MFSD1: variants seen among roughly 807,000 people sequenced by gnomAD.
MFSD1 encodes major facilitator superfamily domain containing 1, also known as lysosomal dipeptide transporter MFSD1.
MFSD1 carries 59 observed loss-of-function variants against 67.1 expected under a neutral mutation model. The observed-to-expected ratio is 0.88, with a 90% CI of 0.71 to 1.09. MFSD1 has a LOEUF of 1.09. Among genes scored for constraint, MFSD1 ranks in the 50% least tolerant of loss-of-function variants. MFSD1 has a pLI of 0.00. For synonymous variants in MFSD1, 213 were observed against 200.3 expected (o/e 1.06, Z -0.54); for missense variants, 552 against 566.1 (o/e 0.97, Z 0.25).
chr3:158,826,157 A>C, intron 14 of MFSD1, 95 bp downstream of exon 14: 1 of 878,606 alleles, frequency 1.1e-6, no homozygotes. Flanking sequence ...GCTTTATTCC[A>C]TGCAGTAATG....
rs748720741 is a variant in MFSD1, at chr3:158,821,631, C to T, written c.898C>T (p.Gln300Ter). The T allele has an allele frequency of 6.2e-7, 1 of 1,610,184 alleles. No individual in the cohort carries two copies. Among genetic ancestry groups the T allele is most frequent in the Admixed American group, 1.7e-5 (1 of 59,850 alleles). The part of the protein sequence containing the change: ...FFTEKFGFSS[Q>*]AASAINSVVY... The stretch of plus-strand genomic sequence containing the variant: ...TACAGAGAAATTTGGATTTTCTTCC[C>T]AGGCAGCAAGTGCAATTAACAGGTA... The change falls in exon 10 of 16, where the codon CAG becomes TAG. Residue 300 changes from glutamine to a stop codon, truncating the protein, a stop_gained. Coordinates refer to ENST00000415822, the MANE Select transcript of MFSD1 (RefSeq NM_022736.4). LOFTEE classifies it high-confidence loss of function.
intron 7 of MFSD1, among the ~76,000 whole-genome samples, chr3:158,815,285 C>G (rs1730265990): frequency 6.6e-6 from 1 of 151,458 alleles, no homozygotes; most frequent in Admixed American, 6.6e-5. Flanking sequence ...CTAATGCTAG[C>G]TCTAACTAGT....
At chr3:158,821,839 A>G in intron 10 of MFSD1, 145 bp from the exon 11 acceptor site, 2 of 1,037,296 alleles carry the variant, frequency 1.9e-6, no homozygotes, top group East Asian at 5.1e-5. Context: ...GAAGTCTTGA[A>G]CTGCTTTTTA....
At chr3:158,824,458 TAC>T (rs922045967) in intron 13 of MFSD1, 1 of 482,546 alleles carries the variant, frequency 2.1e-6, no homozygotes, top group African/African-American at 2.0e-5. Context: ...TTTAACTATT[TAC>T]AGTTTAAAAA....
intron 14 of MFSD1, among the ~76,000 whole-genome samples, chr3:158,826,964 T>G (rs1414572653): frequency 2.6e-5 from 4 of 152,146 alleles, no homozygotes; most frequent in Admixed American, 1.3e-4. Flanking sequence ...GTTCATTTCC[T>G]TTAATTTCTC....
At chr3:158,827,058 T>G (rs1318328302) in intron 14 of MFSD1, among the ~76,000 whole-genome samples, 3 of 152,206 alleles carry the variant, frequency 2.0e-5, no homozygotes. Flanking sequence ...CTTAAAAAAA[T>G]GCTTAAATTA....
chr3:158,820,420 C>T, intron 9 of MFSD1, 94 bp downstream of exon 9: 1 of 811,684 alleles, frequency 1.2e-6, no homozygotes. Flanking sequence ...AATCTTGCTT[C>T]TCTGGTTATA....
At chr3:158,804,689 A>G (rs1729634474) in intron 2 of MFSD1, among the ~76,000 whole-genome samples, 1 of 152,234 alleles carries the variant, frequency 6.6e-6, no homozygotes, top group African/African-American at 2.4e-5. Flanking sequence ...AGTCACCCGA[A>G]TGACAAATGA....
intron 1 of MFSD1, among the ~76,000 whole-genome samples, chr3:158,802,919 TAAA>T (rs1729532571): frequency 6.6e-6 from 1 of 152,198 alleles, no homozygotes; most frequent in Non-Finnish European, 1.5e-5. Context: ...GTCCAGCTTT[TAAA>T]AAACGTGAAT....
At position 158,814,011 on chromosome 3, in the gene MFSD1, T is replaced by C. The variant is rs761024231; in HGVS notation, c.596T>C (p.Ile199Thr). Residue 199 changes from isoleucine (I) to threonine (T), a missense_variant, in exon 7 of 16, where the codon ATT becomes ACT. Ile to Thr is a moderately conservative substitution (Grantham distance 89, BLOSUM62 -1). Transcript: ENST00000415822. ...CTCATGGGATGGCTGTATTCTAAGA[T>C]TGAAGCTTTGTTAGGTTCTGCTGGT... ...MNLMGWLYSK[I>T]EALLGSAGHT... The C allele has an allele frequency of 5.0e-6, 8 of 1,613,966 alleles. No individual in the cohort carries two copies. Among genetic ancestry groups the C allele is most frequent in the Non-Finnish European group, 6.8e-6 (8 of 1,179,910 alleles).
In MFSD1 at chr3:158,829,194, G is replaced by A. The variant is rs2108243349; in HGVS notation, c.*212G>A. The A allele has an allele frequency of 2.6e-6, 1 of 391,926 alleles. No individual in the cohort carries two copies. Among genetic ancestry groups the A allele is most frequent in the South Asian group, 7.7e-5 (1 of 13,018 alleles). 24.3% of individuals were successfully genotyped at this position (391,926 alleles called of 1,614,324 possible). ...GTGTTGCTAAAGAATTCTACTTTTA[G>A]TAGGCTAATCAACAATGAAAGGGTT... is the stretch of plus-strand genomic sequence containing the variant. On this transcript the variant is annotated 3_prime_UTR_variant, in exon 16 of 16. Transcript: ENST00000415822.
At chr3:158,819,586 A>G (rs1156493475) in intron 7 of MFSD1, 63 bp from the exon 8 acceptor site, 2 of 931,178 alleles carry the variant, frequency 2.1e-6, no homozygotes, top group Non-Finnish European at 3.2e-6. Flanking sequence ...ACTTCTCCTT[A>G]GGAACCTTCT....
chr3:158,802,983 A>G (rs993758203), intron 1 of MFSD1, among the ~76,000 whole-genome samples: 37 of 152,168 alleles, frequency 2.4e-4, no homozygotes, highest in African/African-American at 7.7e-4. Flanking sequence ...GAGAAAATGT[A>G]TGAGTGTGTC....
intron 13 of MFSD1, among the ~76,000 whole-genome samples, chr3:158,824,818 C>G (rs983580022): frequency 6.6e-6 from 1 of 152,152 alleles, no homozygotes; most frequent in Non-Finnish European, 1.5e-5. Context: ...TGACAAACCA[C>G]AGTGATGATT....
chr3:158,814,942 C>T (rs1303577315), intron 7 of MFSD1, among the ~76,000 whole-genome samples: 1 of 151,928 alleles, frequency 6.6e-6, no homozygotes, highest in Non-Finnish European at 1.5e-5. Context: ...ATTAGCTGGG[C>T]GTGGTGGCAC....
At chr3:158,826,103 G>A (rs768038581) in intron 14 of MFSD1, 41 bp downstream of exon 14, 2 of 1,571,796 alleles carry the variant, frequency 1.3e-6, no homozygotes, top group Non-Finnish European at 1.8e-6. Context: ...AACCGCAGTG[G>A]ATCATCTTGT....
intron 7 of MFSD1, among the ~76,000 whole-genome samples, chr3:158,817,250 G>A (rs1018134234): frequency 7.9e-5 from 12 of 152,112 alleles, no homozygotes; most frequent in African/African-American, 2.9e-4. Context: ...GCTGGCCAGG[G>A]CAATTAGGCA....
intron 4 of MFSD1, 110 bp downstream of exon 4, chr3:158,807,192 G>A: frequency 1.8e-6 from 2 of 1,101,202 alleles, no homozygotes; most frequent in Non-Finnish European, 2.7e-6. Context: ...TAATTAAGCA[G>A]AACCCATAAA....
At chr3:158,802,948 C>T (rs1256456528) in intron 1 of MFSD1, among the ~76,000 whole-genome samples, 4 of 152,110 alleles carry the variant, frequency 2.6e-5, no homozygotes, top group Non-Finnish European at 5.9e-5. Context: ...CGTCGGCAGT[C>T]TTCTATATAT....
Sources: gnomAD v4.1 joint callset for allele counts (sites outside exome capture counted in the v4.1 genomes callset) on GRCh38, gnomAD v4.1.1 for gene constraint, MANE v1.5 for transcripts, NCBI Gene and HGNC (gene_info 2026-07-23, HGNC 2026-07-21) for gene names.